The following VAMP7 variants were observed in gnomAD, a reference collection of about 807,000 sequenced individuals.
VAMP7 encodes vesicle associated membrane protein 7, also known as vesicle-associated membrane protein 7.
Under a neutral mutation model 29.6 loss-of-function variants are expected in VAMP7, and 14 were observed. The observed-to-expected ratio is 0.47, with a 90% CI of 0.31 to 0.74. The LOEUF (loss-of-function observed/expected upper bound fraction) is 0.74, where lower values mean the gene tolerates loss of function less well. Ranked by LOEUF, VAMP7 falls within the 30% of genes least tolerant of loss-of-function variation. The pLI is 0.05. For synonymous variants in VAMP7, 95 were observed against 88.1 expected (o/e 1.08, Z -0.44); for missense variants, 223 against 262.4 (o/e 0.85, Z 1.04).
In VAMP7 at chrX:155,943,763, A is replaced by G. The variant is rs2066782334; in HGVS notation, c.*1812A>G. 6.6e-6 allele frequency: 1 copy of G among 152,174 alleles called. No individual in the cohort carries two copies. The highest frequency in any genetic ancestry group is 1.5e-5 in the Non-Finnish European group (1 of 68,040). The allele number at this position is 152,174 out of a possible 1,614,324, so 9.4% of individuals were successfully genotyped here. On this transcript the variant is annotated 3_prime_UTR_variant, in exon 8 of 8. Transcript: ENST00000286448. ...GATGTTAATAAAATTTAAGAGTAAT[A>G]CAATGATTTGCTTGTTTTAGAAGTT...
At chrX:155,938,070 CTTTG>C (rs2032982968) in intron 6 of VAMP7, among the ~76,000 whole-genome samples, 1 of 152,042 alleles carries the variant, frequency 6.6e-6, no homozygotes, top group South Asian at 2.1e-4. Context: ...CCTCTGATGA[CTTTG>C]TTTAAAATTA....
At chrX:155,887,988 G>A (rs1446111217) in intron 1 of VAMP7, among the ~76,000 whole-genome samples, 1 of 151,904 alleles carries the variant, frequency 6.6e-6, no homozygotes, top group African/African-American at 2.4e-5. Flanking sequence ...CACAGTTAGG[G>A]AGGCTTTAGG....
chrX:155,891,298 A>G (rs867054284), intron 2 of VAMP7, among the ~76,000 whole-genome samples: 1 of 152,192 alleles, frequency 6.6e-6, no homozygotes, highest in African/African-American at 2.4e-5. Flanking sequence ...CTGGCCACCC[A>G]GATATTTCAG....
In VAMP7 at chrX:155,942,538, C is replaced by T. The variant is rs2066761871; in HGVS notation, c.*587C>T. 1 of 213,356 alleles carries T rather than the reference C, an allele frequency of 4.7e-6. No individual in the cohort carries two copies. Among genetic ancestry groups the T allele is most frequent in the Admixed American group, 5.2e-5 (1 of 19,304 alleles). The allele number at this position is 213,356 out of a possible 1,614,324, so 13.2% of individuals were successfully genotyped here. A position where few individuals can be genotyped will look rare whatever the true frequency, so the allele number is the denominator to read the frequency against. Reference sequence around the variant, plus strand: ...ACATTTTGCTAGCCCATTAGAAGCACACAGAATTATCCTTGTCCTCCTAAT... The same window carrying T: ...ACATTTTGCTAGCCCATTAGAAGCATACAGAATTATCCTTGTCCTCCTAAT... On this transcript the variant is annotated 3_prime_UTR_variant, in exon 8 of 8. Coordinates refer to ENST00000286448, the MANE Select transcript of VAMP7 (RefSeq NM_005638.6).
Position 155,939,126 on chromosome X carries a change from GT to G in VAMP7, c.502-571del, listed in dbSNP as rs1345205795. Among the ~76,000 whole-genome samples the G allele has an allele frequency of 2.0e-5, 3 of 152,052 alleles. No individual in the cohort carries two copies. The East Asian group carries it at 5.8e-4, about 29-fold the overall frequency. The stretch of plus-strand genomic sequence containing the variant: ...GAGTGGATTGCTGGATTATTAGGGA[GT>G]TTTGTTGGTTGGTTGTTTGCCATTT... On this transcript the variant is annotated intron_variant, in intron 6 of 7. Coordinates refer to ENST00000286448, the MANE Select transcript of VAMP7 (RefSeq NM_005638.6).
intron 3 of VAMP7, among the ~76,000 whole-genome samples, chrX:155,896,526 G>A (rs1415845359): frequency 6.6e-6 from 1 of 152,118 alleles, no homozygotes; most frequent in Admixed American, 6.6e-5. Context: ...ATGTCATTAA[G>A]GTCCTTTCTC....
intron 5 of VAMP7, among the ~76,000 whole-genome samples, chrX:155,908,244 G>A (rs1420808084): frequency 2.6e-5 from 4 of 152,172 alleles, no homozygotes; most frequent in Admixed American, 6.5e-5. Flanking sequence ...CCGAGATCGC[G>A]CCACTGCACT....
intron 5 of VAMP7, among the ~76,000 whole-genome samples, chrX:155,908,017 C>T (rs1184993001): frequency 7.2e-5 from 11 of 151,896 alleles, no homozygotes; most frequent in South Asian, 4.2e-4. Context: ...TGGGCAGAGA[C>T]GCTCCTCACT....
At chrX:155,920,988 C>G (rs2066387307) in intron 6 of VAMP7, among the ~76,000 whole-genome samples, 1 of 152,116 alleles carries the variant, frequency 6.6e-6, no homozygotes, top group Admixed American at 6.6e-5. Flanking sequence ...GGTTCTAGAT[C>G]TCACTTTGTG....
chrX:155,922,160 G>A (rs2066405585), intron 6 of VAMP7, among the ~76,000 whole-genome samples: 1 of 151,856 alleles, frequency 6.6e-6, no homozygotes, highest in Non-Finnish European at 1.5e-5. Flanking sequence ...TTTGTATTCT[G>A]CAACCTTAGA....
At chrX:155,899,240 C>T (rs1328535379) in intron 4 of VAMP7, among the ~76,000 whole-genome samples, 1 of 151,044 alleles carries the variant, frequency 6.6e-6, no homozygotes, top group Non-Finnish European at 1.5e-5. Context: ...AGTGGTTGTA[C>T]CATTTTATAT....
In VAMP7 at chrX:155,891,842, G is replaced by A. The variant is rs146420061; in HGVS notation, c.146+2230G>A. Among the ~76,000 whole-genome samples the A allele has an allele frequency of 5.4e-4, 82 of 152,292 alleles. No homozygotes were observed. The East Asian group carries it at 0.016, about 29-fold the overall frequency. ...ATTTTGTAGTCCTCTTGCTGCCAGC[G>A]TAGGTTTGTGGGCCTAGAGGTTAGG... On this transcript the variant is annotated intron_variant, in intron 2 of 7. Transcript: ENST00000286448.
chrX:155,883,136 C>T lies in VAMP7; in HGVS notation c.-10+1688C>T, dbSNP rs372183279. ...TTTATACCTCTAGTGTCTACTTTGA[C>T]TGTCATATAGTAACCCACCAGTATA... On this transcript the variant is annotated intron_variant, in intron 1 of 7. Transcript: ENST00000286448. 2.2e-3 allele frequency among the ~76,000 whole-genome samples: 335 copies of T among 152,324 alleles called. 16 individuals are homozygous for T. The South Asian group carries it at 0.068, about 31-fold the overall frequency.
rs780998324 is a variant in VAMP7 at position 155,901,306 on chromosome X, T to C, written c.433+719T>C. ...TTAATTGATTTTAGTTTTAATTATA[T>C]ATCTAGATAGAGACTAGAGAATCTG... On this transcript the variant is annotated intron_variant, in intron 5 of 7. Transcript: ENST00000286448. Among the ~76,000 whole-genome samples the C allele has an allele frequency of 6.0e-4, 92 of 152,226 alleles. 1 individual carries two copies. The highest frequency in any genetic ancestry group is 1.1e-3 in the Non-Finnish European group (75 of 67,970).
chrX:155,914,807 A>G (rs1347476028), intron 5 of VAMP7, among the ~76,000 whole-genome samples: 1 of 152,072 alleles, frequency 6.6e-6, no homozygotes, highest in Non-Finnish European at 1.5e-5. Flanking sequence ...CATCAGGGAT[A>G]TTGGCCTGAA....
chrX:155,922,058 C>CT (rs1324753774), intron 6 of VAMP7, among the ~76,000 whole-genome samples: 2 of 151,922 alleles, frequency 1.3e-5, no homozygotes, highest in Non-Finnish European at 2.9e-5. Context: ...GAATATCATG[C>CT]TTTTGTATTG....
chrX:155,918,540 G>A (rs1020289301), intron 5 of VAMP7, among the ~76,000 whole-genome samples: 2 of 152,134 alleles, frequency 1.3e-5, no homozygotes, highest in African/African-American at 4.8e-5. Flanking sequence ...GGTCCCTCAA[G>A]GCTTCCCTTG....
At chrX:155,936,605 C>T (rs1049287993) in intron 6 of VAMP7, among the ~76,000 whole-genome samples, 1 of 152,168 alleles carries the variant, frequency 6.6e-6, no homozygotes, top group Non-Finnish European at 1.5e-5. Context: ...GTCACAGCTT[C>T]CCTTGGCTAG....
chrX:155,919,741 A>T, intron 5 of VAMP7, 72 bp from the exon 6 acceptor site: 2 of 1,338,940 alleles, frequency 1.5e-6, no homozygotes, highest in Non-Finnish European at 2.1e-6. Flanking sequence ...AAGTTATATT[A>T]CTTTTTTAAA....
Sources: gnomAD v4.1 joint callset for allele counts (sites outside exome capture counted in the v4.1 genomes callset) on GRCh38, gnomAD v4.1.1 for gene constraint, MANE v1.5 for transcripts, NCBI Gene and HGNC (gene_info 2026-07-23, HGNC 2026-07-21) for gene names.